Variants in AGAP1 observed in about 807,000 individuals in gnomAD.
AGAP1 encodes the protein arf-GAP with GTPase, ANK repeat and PH domain-containing protein 1.
A neutral mutation model predicts 105.3 loss-of-function variants in AGAP1; 29 were observed. The ratio of observed to expected loss-of-function variants is 0.28; its 90% confidence interval spans 0.21 to 0.38. The LOEUF (loss-of-function observed/expected upper bound fraction) is 0.38. Among genes scored for constraint, AGAP1 ranks in the 10% least tolerant of loss-of-function variants. AGAP1 has a pLI of 1.00. For missense variants in AGAP1, 998 were observed against 1,165.1 expected (o/e 0.86, Z 2.09); for synonymous variants, 509 against 485.9 (o/e 1.05, Z -0.63).
intron 12 of AGAP1, among the ~76,000 whole-genome samples, chr2:235,949,525 C>T (rs1344134944): frequency 6.6e-6 from 1 of 152,178 alleles, no homozygotes; most frequent in Non-Finnish European, 1.5e-5. Context: ...TCTCTTTCTT[C>T]ACAACTGAAC....
In AGAP1 at chr2:235,887,616, A is replaced by ATT. The variant is rs2050331497; in HGVS notation, c.1155+4168_1155+4169dup. Among the ~76,000 whole-genome samples, 1 of 152,330 alleles carries ATT rather than the reference A, an allele frequency of 6.6e-6. No individual in the cohort carries two copies. The highest frequency in any genetic ancestry group is 1.5e-5 in the Non-Finnish European group (1 of 68,032). On this transcript the variant is annotated intron_variant, in intron 10 of 17. Coordinates refer to ENST00000304032, the MANE Select transcript of AGAP1 (RefSeq NM_001037131.3). This position sits in a 1 kb window ranked among gnomAD's most constrained non-coding sequence, Gnocchi z 4.1. ...AAGAGCCCCCGGAGCAGGGGCCTGC[A>ATT]TTGATCTCATATAGCATAGCCTACA...
At chr2:235,771,459 T>C (rs1337255941) in intron 6 of AGAP1, among the ~76,000 whole-genome samples, 1 of 152,188 alleles carries the variant, frequency 6.6e-6, no homozygotes, top group Non-Finnish European at 1.5e-5. Context: ...CAGGGTGACC[T>C]AAGGCATGTG....
chr2:235,968,430 T>A, intron 12 of AGAP1, 32 bp from the exon 13 acceptor site: 1 of 1,556,886 alleles, frequency 6.4e-7, no homozygotes, highest in Non-Finnish European at 8.6e-7. Context: ...GCATTTTTTT[T>A]TTTTTTTTTG....
rs538420620 is a variant in AGAP1 at position 235,705,326 on chromosome 2, G to A, written c.164-3853G>A. On this transcript the variant is annotated intron_variant, in intron 1 of 17. Transcript: ENST00000304032. This position sits in a 1 kb window ranked among gnomAD's most constrained non-coding sequence, Gnocchi z 4.9. ...ACATCCTCTGTGCCACTGGATTCTG[G>A]CTGGTCCAGGAACACAGGTGTGCAC... Among the ~76,000 whole-genome samples the A allele has an allele frequency of 6.6e-6, 1 of 152,276 alleles. No homozygotes were observed. The highest frequency in any genetic ancestry group is 2.1e-4 in the South Asian group (1 of 4,824).
At chr2:235,568,189 A>G (rs1944407666) in intron 1 of AGAP1, among the ~76,000 whole-genome samples, 1 of 152,176 alleles carries the variant, frequency 6.6e-6, no homozygotes, top group African/African-American at 2.4e-5. Context: ...GCAGGTTGTC[A>G]GATCGAGGCC....
intron 9 of AGAP1, among the ~76,000 whole-genome samples, chr2:235,810,403 G>A (rs1188193992): frequency 6.6e-6 from 1 of 152,176 alleles, no homozygotes; most frequent in Non-Finnish European, 1.5e-5. Context: ...TTGCCTAATG[G>A]CAGAGGAGTC....
At chr2:235,579,513 C>T (rs1450606513) in intron 1 of AGAP1, among the ~76,000 whole-genome samples, 1 of 152,144 alleles carries the variant, frequency 6.6e-6, no homozygotes, top group Non-Finnish European at 1.5e-5. Context: ...TGGTGGCTCA[C>T]ACCTGTAATC....
chr2:236,102,158 C>T (rs1002245548), intron 16 of AGAP1, among the ~76,000 whole-genome samples: 3 of 152,184 alleles, frequency 2.0e-5, no homozygotes, highest in Non-Finnish European at 4.4e-5. Flanking sequence ...TGGCTCACGC[C>T]TGTAATCCCA....
rs1553671560 is a variant in AGAP1, at chr2:235,904,698, C to CGGA, written c.1156-4036_1156-4034dup. On this transcript the variant is annotated intron_variant, in intron 10 of 17. Coordinates refer to ENST00000304032, the MANE Select transcript of AGAP1 (RefSeq NM_001037131.3). The surrounding 1 kb of genome is among the most constrained non-coding windows in gnomAD (Gnocchi z 4.2). ...GGTCTGCACAGCCCCTTGACTTCTA[C>CGGA]GGAGGACATTGTTTAGTGGTTGTAG... Among the ~76,000 whole-genome samples, 230 of 152,246 alleles carry CGGA rather than the reference C, an allele frequency of 1.5e-3. 1 individual carries two copies. Among genetic ancestry groups the CGGA allele is most frequent in the African/African-American group, 5.4e-3 (225 of 41,538 alleles).
At position 235,631,251 on chromosome 2, in the gene AGAP1, A is replaced by G. The variant is rs13420924; in HGVS notation, c.164-77928A>G. On this transcript the variant is annotated intron_variant, in intron 1 of 17. Transcript: ENST00000304032. The surrounding 1 kb of genome is among the most constrained non-coding windows in gnomAD (Gnocchi z 5.4). The stretch of plus-strand genomic sequence containing the variant: ...GATAACTGGAATGCTGTCAGATCCC[A>G]GGGTAACAAAAGGGTGGTGTCCCCT... Among the ~76,000 whole-genome samples the G allele has an allele frequency of 0.022, 3,389 of 152,276 alleles. 105 individuals are homozygous for G. Among genetic ancestry groups the G allele is most frequent in the African/African-American group, 0.075 (3,130 of 41,540 alleles).
Position 235,625,746 on chromosome 2 carries a change from T to C in AGAP1, c.164-83433T>C, listed in dbSNP as rs1946617548. Among the ~76,000 whole-genome samples, 1 of 152,206 alleles carries C rather than the reference T, an allele frequency of 6.6e-6. No individual in the cohort carries two copies. The highest frequency in any genetic ancestry group is 1.5e-5 in the Non-Finnish European group (1 of 68,040). ...ATTATGGTTTGTTTGTAGCTTCAGC[T>C]AGTACTTTTCATTGTAATCATGGCT... On this transcript the variant is annotated intron_variant, in intron 1 of 17. Coordinates refer to ENST00000304032, the MANE Select transcript of AGAP1 (RefSeq NM_001037131.3). The surrounding 1 kb of genome is among the most constrained non-coding windows in gnomAD (Gnocchi z 4.0).
intron 1 of AGAP1, among the ~76,000 whole-genome samples, chr2:235,537,552 C>A (rs1943280654): frequency 6.6e-6 from 1 of 152,134 alleles, no homozygotes; most frequent in Non-Finnish European, 1.5e-5. Context: ...TCTTGGCTGC[C>A]CCATTGCTGG....
intron 9 of AGAP1, among the ~76,000 whole-genome samples, chr2:235,820,125 C>T (rs975707287): frequency 6.6e-6 from 1 of 152,042 alleles, no homozygotes; most frequent in African/African-American, 2.4e-5. Flanking sequence ...GTCTTCAAGT[C>T]CCAACCTCAG....
chr2:236,065,195 T>C (rs1238219000), intron 16 of AGAP1, among the ~76,000 whole-genome samples: 2 of 152,198 alleles, frequency 1.3e-5, no homozygotes, highest in South Asian at 2.1e-4. Flanking sequence ...GAAAAGGCTC[T>C]GTTCCTGACG....
At chr2:235,903,155 A>G (rs2051144651) in intron 10 of AGAP1, among the ~76,000 whole-genome samples, 1 of 152,156 alleles carries the variant, frequency 6.6e-6, no homozygotes, top group Non-Finnish European at 1.5e-5. Context: ...AAAATATTAT[A>G]TTTCTCAACA....
intron 13 of AGAP1, among the ~76,000 whole-genome samples, chr2:236,010,009 A>G (rs1361083250): frequency 1.3e-5 from 2 of 152,108 alleles, no homozygotes; most frequent in Non-Finnish European, 2.9e-5. Context: ...AGACTAAAGA[A>G]TATTTTTATT....
chr2:236,017,617 G>T (rs1035941074), intron 13 of AGAP1, among the ~76,000 whole-genome samples: 1 of 152,174 alleles, frequency 6.6e-6, no homozygotes, highest in Non-Finnish European at 1.5e-5. Flanking sequence ...TGAGCTTCAG[G>T]AATAAGAGGA....
rs1288526762 is a variant in AGAP1 at position 235,717,599 on chromosome 2, C to T, written c.265C>T (p.His89Tyr). The change falls in exon 3 of 18, where the codon CAC (histidine) becomes TAC (tyrosine). Residue 89 changes from histidine to tyrosine, a missense_variant. Transcript: ENST00000304032. Reference protein sequence around the residue: ...NLASGKSALVHRYLTGTYVQE... With the variant: ...NLASGKSALVYRYLTGTYVQE... ...GGCCAGCGGCAAGTCTGCCCTGGTG[C>T]ACCGGTACCTGACGGGCACATATGT... 1.9e-6 allele frequency: 3 copies of T among 1,604,426 alleles called. No individual in the cohort carries two copies. The highest frequency in any genetic ancestry group is 2.5e-6 in the Non-Finnish European group (3 of 1,177,962).
At position 235,741,761 on chromosome 2, in the gene AGAP1, ATTTT is replaced by A. The variant is rs373237927; in HGVS notation, c.396+722_396+725del. 7.1e-6 allele frequency among the ~76,000 whole-genome samples: 1 copy of A among 141,830 alleles called. No homozygotes were observed. The highest frequency in any genetic ancestry group is 2.0e-4 in the East Asian group (1 of 4,904). 93.0% of individuals were successfully genotyped at this position (141,830 alleles called of 152,430 possible). ...TATTGTTATTTTTTATTATTTATTTATTTTTTTTTTTTGAGACAGTCTCGCTCTG... is the reference window on the plus strand; with the variant it reads ...TATTGTTATTTTTTATTATTTATTTATTTTTTTTGAGACAGTCTCGCTCTG... On this transcript the variant is annotated intron_variant, in intron 4 of 17. Transcript: ENST00000304032. The surrounding 1 kb of genome is among the most constrained non-coding windows in gnomAD (Gnocchi z 4.9).
Sources: allele counts gnomAD v4.1 joint callset (sites outside exome capture counted in the v4.1 genomes callset), GRCh38; gene constraint gnomAD v4.1.1; non-coding constraint Gnocchi (gnomAD v3.1); transcripts MANE v1.5; gene names NCBI Gene and HGNC (gene_info 2026-07-23, HGNC 2026-07-21).